The following PKIA variants were observed in gnomAD, a reference collection of about 807,000 sequenced individuals.
PKIA encodes the protein PKI-alpha.
In PKIA, 4 loss-of-function variants were observed where a neutral mutation model predicts 7.6. The observed-to-expected ratio is 0.52, with a 90% confidence interval of 0.26 to 1.20. The LOEUF (loss-of-function observed/expected upper bound fraction) is 1.20. Ranked by LOEUF, PKIA falls within the 50% of genes most tolerant of loss-of-function variation. The probability of loss-of-function intolerance (pLI) is 0.13; values close to 1 mark genes in which losing one functional copy is unlikely to be tolerated. For missense variants in PKIA, 73 were observed against 86.2 expected (o/e 0.85, Z 0.61); for synonymous variants, 21 against 30.7 (o/e 0.68, Z 1.04).
intron 2 of PKIA, among the ~76,000 whole-genome samples, chr8:78,586,404 A>G (rs985312130): frequency 2.6e-5 from 4 of 152,134 alleles, no homozygotes; most frequent in Middle Eastern, 3.2e-3. Flanking sequence ...TTAGGTGTCA[A>G]TATTTTCATA....
chr8:78,554,116 G>A (rs1429815384), intron 1 of PKIA, among the ~76,000 whole-genome samples: 1 of 152,014 alleles, frequency 6.6e-6, no homozygotes, highest in Non-Finnish European at 1.5e-5. Flanking sequence ...TAGATCACAA[G>A]TCACAGAAGC....
intron 1 of PKIA, among the ~76,000 whole-genome samples, chr8:78,537,736 A>C (rs773043432): frequency 6.6e-5 from 10 of 152,018 alleles, no homozygotes; most frequent in Non-Finnish European, 1.5e-4. Flanking sequence ...AAGAAAATAA[A>C]AATGTGATGC....
intron 1 of PKIA, among the ~76,000 whole-genome samples, chr8:78,551,042 G>A (rs1806971158): frequency 6.6e-6 from 1 of 152,034 alleles, no homozygotes; most frequent in African/African-American, 2.4e-5. Flanking sequence ...CAAGAATCTT[G>A]TGTGTTTGTA....
intron 2 of PKIA, among the ~76,000 whole-genome samples, chr8:78,597,982 C>T (rs35594042): frequency 0.11 from 17,258 of 151,248 alleles, 1,065 homozygotes; most frequent in Middle Eastern, 0.18. Context: ...CACGTTCTCA[C>T]GTATAAGTGG....
intron 1 of PKIA, among the ~76,000 whole-genome samples, chr8:78,547,081 GA>G (rs1806841405): frequency 6.6e-6 from 1 of 151,912 alleles, no homozygotes; most frequent in African/African-American, 2.4e-5. Flanking sequence ...AGAAAAAAGA[GA>G]AAAAACAAAA....
chr8:78,549,637 CAG>C (rs977611832), intron 1 of PKIA, among the ~76,000 whole-genome samples: 54 of 150,706 alleles, frequency 3.6e-4, no homozygotes, highest in Middle Eastern at 3.4e-3. Flanking sequence ...TGAAAATCAG[CAG>C]AGTCTTTATT....
intron 1 of PKIA, among the ~76,000 whole-genome samples, chr8:78,561,453 GTTTT>G (rs896716305): frequency 6.6e-6 from 1 of 151,340 alleles, no homozygotes; most frequent in South Asian, 2.1e-4. Context: ...GCTAGGCCAA[GTTTT>G]TTTGTTTTTT....
At chr8:78,598,236 A>AT (rs1808273501) in intron 2 of PKIA, 122 bp from the exon 3 acceptor site, 1 of 484,332 alleles carries the variant, frequency 2.1e-6, no homozygotes, top group African/African-American at 2.0e-5. Context: ...CAGAAAAGGC[A>AT]TTACTTGTTT....
At chr8:78,522,128 G>A (rs1809427864) in intron 1 of PKIA, among the ~76,000 whole-genome samples, 1 of 151,762 alleles carries the variant, frequency 6.6e-6, no homozygotes, top group African/African-American at 2.4e-5. Context: ...ATTTTGAATT[G>A]CAAAACACTT....
intron 2 of PKIA, among the ~76,000 whole-genome samples, chr8:78,588,574 AGTGAATAATTATTTG>A (rs945573932): frequency 3.9e-5 from 6 of 152,316 alleles, no homozygotes; most frequent in Non-Finnish European, 5.9e-5. Context: ...CTATTGCAAG[AGTGAATAATTATTTG>A]GTGAATAATT....
intron 2 of PKIA, among the ~76,000 whole-genome samples, chr8:78,595,616 A>G (rs1434072767): frequency 6.6e-6 from 1 of 152,056 alleles, no homozygotes; most frequent in African/African-American, 2.4e-5. Flanking sequence ...CCTGGTGTCT[A>G]TTCTTCCCTT....
At chr8:78,590,390 A>C (rs988188317) in intron 2 of PKIA, among the ~76,000 whole-genome samples, 3 of 152,162 alleles carry the variant, frequency 2.0e-5, no homozygotes, top group African/African-American at 7.2e-5. Flanking sequence ...AAGCATATTC[A>C]TATGACTTCA....
Position 78,516,420 on chromosome 8 carries a change from G to A in PKIA, c.-205G>A, listed in dbSNP as rs959509152. ...CACTCGGCGGGCGCGGCGGGACTGC[G>A]GCCCGTGGCGGCGTGCGCGGGGACC... On this transcript the variant is annotated 5_prime_UTR_variant, in exon 1 of 4. Coordinates refer to ENST00000396418, the MANE Select transcript of PKIA (RefSeq NM_006823.4). The A allele has an allele frequency of 6.6e-6, 1 of 152,244 alleles. No individual in the cohort carries two copies. The highest frequency in any genetic ancestry group is 1.5e-5 in the Non-Finnish European group (1 of 68,136). The allele number at this position is 152,244 out of a possible 1,614,324, so 9.4% of individuals were successfully genotyped here.
chr8:78,594,191 T>C (rs1808173125), intron 2 of PKIA, among the ~76,000 whole-genome samples: 1 of 152,100 alleles, frequency 6.6e-6, no homozygotes, highest in Non-Finnish European at 1.5e-5. Flanking sequence ...AAAGAGAAGA[T>C]GGTGTTTGAC....
At chr8:78,586,344 T>G (rs1228971105) in intron 2 of PKIA, among the ~76,000 whole-genome samples, 1 of 152,180 alleles carries the variant, frequency 6.6e-6, no homozygotes, top group Non-Finnish European at 1.5e-5. Flanking sequence ...TAATAAAACA[T>G]GCTTTTAATC....
chr8:78,523,234 C>T (rs1042493785), intron 1 of PKIA, among the ~76,000 whole-genome samples: 2 of 151,790 alleles, frequency 1.3e-5, no homozygotes, highest in African/African-American at 4.8e-5. Flanking sequence ...TGTAGCTGAC[C>T]CTAGACATGT....
chr8:78,532,202 A>G (rs1806404686), intron 1 of PKIA, among the ~76,000 whole-genome samples: 2 of 152,178 alleles, frequency 1.3e-5, no homozygotes, highest in East Asian at 3.9e-4. Context: ...ACCTTTTCTT[A>G]AAATTATTAG....
intron 2 of PKIA, among the ~76,000 whole-genome samples, chr8:78,576,721 C>A (rs781215727): frequency 2.0e-4 from 30 of 151,850 alleles, no homozygotes; most frequent in Non-Finnish European, 3.5e-4. Flanking sequence ...CTCTACAGTC[C>A]CAGGATTTTG....
chr8:78,519,965 T>C (rs755589501), intron 1 of PKIA, among the ~76,000 whole-genome samples: 31 of 152,270 alleles, frequency 2.0e-4, no homozygotes, highest in Middle Eastern at 3.4e-3. Context: ...TTGTTTAAAT[T>C]CCCATAGCAC....
Sources: allele counts gnomAD v4.1 joint callset (sites outside exome capture counted in the v4.1 genomes callset), GRCh38; gene constraint gnomAD v4.1.1; transcripts MANE v1.5; gene names NCBI Gene and HGNC (gene_info 2026-07-23, HGNC 2026-07-21).